CALCR: variants seen among roughly 807,000 people sequenced by gnomAD.
CALCR encodes calcitonin receptor.
A neutral mutation model predicts 59.5 loss-of-function variants in CALCR; 47 were observed. The observed-to-expected ratio is 0.79, with a 90% CI of 0.63 to 1.01. The LOEUF is 1.01. Ranked by LOEUF, CALCR falls within the 50% of genes least tolerant of loss-of-function variation. The pLI is 0.00. For missense variants in CALCR, 566 were observed against 597.1 expected (o/e 0.95, Z 0.54); for synonymous variants, 213 against 211.3 (o/e 1.01, Z -0.07).
intron 13 of CALCR, among the ~76,000 whole-genome samples, chr7:93,432,761 T>C (rs1400084805): frequency 4.6e-5 from 7 of 152,196 alleles, no homozygotes. Context: ...ATATTAGCTC[T>C]ATTTTGATAT....
At chr7:93,510,963 G>A (rs1801533499) in intron 2 of CALCR, among the ~76,000 whole-genome samples, 1 of 152,068 alleles carries the variant, frequency 6.6e-6, no homozygotes, top group South Asian at 2.1e-4. Context: ...CGGAAGCAAA[G>A]CTAGTTAGGG....
At chr7:93,441,394 T>C (rs1041081225) in intron 9 of CALCR, 1 of 369,592 alleles carries the variant, frequency 2.7e-6, no homozygotes, top group Non-Finnish European at 5.3e-6. Flanking sequence ...CCAATTATTA[T>C]GATTGTGATG....
chr7:93,493,065 T>A (rs1801119787), intron 2 of CALCR, among the ~76,000 whole-genome samples: 1 of 151,354 alleles, frequency 6.6e-6, no homozygotes, highest in Admixed American at 6.6e-5. Flanking sequence ...TGTATTTCTA[T>A]GTATTTTCAT....
intron 2 of CALCR, among the ~76,000 whole-genome samples, chr7:93,544,106 T>C (rs567911158): frequency 6.6e-6 from 1 of 152,076 alleles, no homozygotes; most frequent in South Asian, 2.1e-4. Context: ...AATACACTCT[T>C]CCGTTAAGAG....
intron 13 of CALCR, among the ~76,000 whole-genome samples, chr7:93,428,747 A>G (rs538292206): frequency 1.3e-5 from 2 of 149,812 alleles, no homozygotes; most frequent in Admixed American, 1.4e-4. Flanking sequence ...AGATCATGCC[A>G]CTGCACTCCA....
rs147516353 is a variant in CALCR, at chr7:93,514,985, T to G, written c.-26-27978A>C. ...CTCACTTAATTATATTCCAAGGCCA[T>G]GTGGATTCCAGCAACATCTATGTCC... On this transcript the variant is annotated intron_variant, in intron 2 of 13. Coordinates refer to ENST00000426151, the MANE Select transcript of CALCR (RefSeq NM_001742.4). 9.1e-4 allele frequency among the ~76,000 whole-genome samples: 138 copies of G among 152,154 alleles called. 1 individual carries two copies. The highest frequency in any genetic ancestry group is 3.1e-3 in the African/African-American group (127 of 41,562).
At chr7:93,492,433 C>G (rs1296235189) in intron 2 of CALCR, among the ~76,000 whole-genome samples, 3 of 151,174 alleles carry the variant, frequency 2.0e-5, no homozygotes, top group Admixed American at 6.6e-5. Flanking sequence ...ATACTTGTCC[C>G]CAAAAGGGTA....
At chr7:93,522,019 G>A (rs1801775110) in intron 2 of CALCR, among the ~76,000 whole-genome samples, 1 of 151,842 alleles carries the variant, frequency 6.6e-6, no homozygotes, top group South Asian at 2.1e-4. Context: ...TTGTTTTTTT[G>A]AACAATAGTT....
At chr7:93,470,566 C>A (rs1320798677) in intron 6 of CALCR, among the ~76,000 whole-genome samples, 2 of 151,432 alleles carry the variant, frequency 1.3e-5, no homozygotes, top group African/African-American at 4.8e-5. Flanking sequence ...ATTTGTTCTT[C>A]TGAAATAGAG....
chr7:93,434,744 C>T (rs1799738691), intron 12 of CALCR, among the ~76,000 whole-genome samples: 1 of 152,086 alleles, frequency 6.6e-6, no homozygotes, highest in Admixed American at 6.6e-5. Context: ...GTACCCACCG[C>T]CAAGTTCATC....
chr7:93,475,260 T>A (rs1251766109), intron 5 of CALCR, among the ~76,000 whole-genome samples: 1 of 151,808 alleles, frequency 6.6e-6, no homozygotes, highest in African/African-American at 2.4e-5. Context: ...TCAAGCAACC[T>A]ATTAGAATCA....
chr7:93,512,628 T>A (rs1412379669), intron 2 of CALCR, among the ~76,000 whole-genome samples: 3 of 152,190 alleles, frequency 2.0e-5, no homozygotes, highest in Non-Finnish European at 2.9e-5. Flanking sequence ...CTGAGTATCC[T>A]AAAATATTTA....
At chr7:93,489,363 G>C (rs1801022172) in intron 2 of CALCR, among the ~76,000 whole-genome samples, 1 of 151,546 alleles carries the variant, frequency 6.6e-6, no homozygotes, top group African/African-American at 2.4e-5. Context: ...AGCTAGAGAG[G>C]CAAAAGCAAA....
chr7:93,431,381 G>C (rs1019969945), intron 13 of CALCR, among the ~76,000 whole-genome samples: 8 of 152,324 alleles, frequency 5.3e-5, no homozygotes, highest in South Asian at 4.1e-4. Context: ...GGCATGTGCT[G>C]AAGATAGATT....
rs527586924 is a variant in CALCR at position 93,446,236 on chromosome 7, T to C, written c.649-2479A>G. Among the ~76,000 whole-genome samples the C allele has an allele frequency of 3.9e-5, 6 of 152,130 alleles. 1 individual carries two copies. The South Asian group carries it at 1.0e-3, about 26-fold the overall frequency. On this transcript the variant is annotated intron_variant, in intron 8 of 13. Transcript: ENST00000426151. Reference sequence around the variant, plus strand: ...CAAAAGCTCACACAAATTTTAAAAATCACCAGTCTATTCATTTTTAAAAGA... The same window carrying C: ...CAAAAGCTCACACAAATTTTAAAAACCACCAGTCTATTCATTTTTAAAAGA...
intron 2 of CALCR, among the ~76,000 whole-genome samples, chr7:93,544,347 G>A (rs1789226998): frequency 6.6e-6 from 1 of 151,998 alleles, no homozygotes; most frequent in Admixed American, 6.6e-5. Context: ...CAGTTTGTAG[G>A]CAAATATGGT....
At chr7:93,550,579 A>G (rs1472990086) in intron 2 of CALCR, among the ~76,000 whole-genome samples, 1 of 135,996 alleles carries the variant, frequency 7.4e-6, no homozygotes, top group Non-Finnish European at 1.5e-5. Context: ...ATTATAACCA[A>G]GCATTTCCAT....
At chr7:93,459,097 T>A (rs1221609088) in intron 8 of CALCR, among the ~76,000 whole-genome samples, 1 of 152,198 alleles carries the variant, frequency 6.6e-6, no homozygotes, top group East Asian at 1.9e-4. Context: ...AGGCTGCAAT[T>A]ATAAATTATT....
At chr7:93,519,401 A>G (rs1438636706) in intron 2 of CALCR, among the ~76,000 whole-genome samples, 1 of 151,938 alleles carries the variant, frequency 6.6e-6, no homozygotes, top group African/African-American at 2.4e-5. Flanking sequence ...TAGTAGGGTG[A>G]CCCTAGGAAA....
Sources: allele counts gnomAD v4.1 joint callset (sites outside exome capture counted in the v4.1 genomes callset), GRCh38; gene constraint gnomAD v4.1.1; transcripts MANE v1.5; gene names NCBI Gene and HGNC (gene_info 2026-07-23, HGNC 2026-07-21).